TNFAIP6: variants seen among roughly 807,000 people sequenced by gnomAD.
TNFAIP6 encodes the protein TNF alpha induced protein 6, also known as tumor necrosis factor-inducible gene 6 protein.
A neutral mutation model predicts 33.7 loss-of-function variants in TNFAIP6; 36 were observed. The observed-to-expected ratio is 1.07, with a 90% CI of 0.82 to 1.41. TNFAIP6 has a LOEUF of 1.41. Among genes scored for constraint, TNFAIP6 ranks in the 40% most tolerant of loss-of-function variants. The pLI is 0.00. For missense variants in TNFAIP6, 273 were observed against 331.9 expected (o/e 0.82, Z 1.38); for synonymous variants, 113 against 112.8 (o/e 1.00, Z -0.01).
At position 151,357,630 on chromosome 2, in the gene TNFAIP6, G is replaced by T. The variant is rs1208384643; in HGVS notation, c.-37G>T. Reference sequence around the variant, plus strand: ...CCACTGCTCTGAGAATTTGTGAGCAGCCCCTAACAGGCTGTTACTTCACTA... The same window carrying T: ...CCACTGCTCTGAGAATTTGTGAGCATCCCCTAACAGGCTGTTACTTCACTA... On this transcript the variant is annotated 5_prime_UTR_variant, in exon 1 of 6. Coordinates refer to ENST00000243347, the MANE Select transcript of TNFAIP6 (RefSeq NM_007115.4). The T allele has an allele frequency of 1.5e-6, 2 of 1,296,300 alleles. No homozygotes were observed. Among genetic ancestry groups the T allele is most frequent in the East Asian group, 2.3e-5 (1 of 43,290 alleles). 80.3% of individuals were successfully genotyped at this position (1,296,300 alleles called of 1,614,324 possible).
chr2:151,377,153 A>ATTTTCTTTTCTTTTC (rs746527797), intron 5 of TNFAIP6, among the ~76,000 whole-genome samples: 1 of 141,034 alleles, frequency 7.1e-6, no homozygotes, highest in South Asian at 2.3e-4. Context: ...CCCAATTTAC[A>ATTTTCTTTTCTTTTC]TTTTCTTTTC....
chr2:151,361,399 A>T (rs1390866913), intron 1 of TNFAIP6, among the ~76,000 whole-genome samples: 1 of 152,182 alleles, frequency 6.6e-6, no homozygotes, highest in African/African-American at 2.4e-5. Flanking sequence ...TTTTTTCCGT[A>T]TACATCACAT....
At chr2:151,378,205 C>CA (rs1365684526) in intron 5 of TNFAIP6, among the ~76,000 whole-genome samples, 6 of 151,920 alleles carry the variant, frequency 3.9e-5, no homozygotes, top group Admixed American at 6.6e-5. Flanking sequence ...CAAAAACAAA[C>CA]AAAAAGAAGG....
At chr2:151,377,572 C>A (rs543169739) in intron 5 of TNFAIP6, among the ~76,000 whole-genome samples, 2 of 151,986 alleles carry the variant, frequency 1.3e-5, no homozygotes, top group East Asian at 1.9e-4. Flanking sequence ...TCTCTGAATT[C>A]TCTCACAATA....
chr2:151,379,214 A>C lies in TNFAIP6; in HGVS notation c.665-150A>C, dbSNP rs528258718. 1.2e-5 allele frequency: 8 copies of C among 687,984 alleles called. No individual in the cohort carries two copies. The East Asian group carries it at 2.1e-4, about 18-fold the overall frequency. The allele number at this position is 687,984 out of a possible 1,614,324, so 42.6% of individuals were successfully genotyped here. A position where few individuals can be genotyped will look rare whatever the true frequency, so the allele number is the denominator to read the frequency against. ...CTGTTCCATGCGGCAATGAAACCAC[A>C]GACTCTTCAGCTTGAGAATCGACCT... is the stretch of plus-strand genomic sequence containing the variant. On this transcript the variant is annotated intron_variant, in intron 5 of 5. Transcript: ENST00000243347.
chr2:151,359,190 C>T (rs116642034), intron 1 of TNFAIP6, among the ~76,000 whole-genome samples: 2,863 of 152,160 alleles, frequency 0.019, 94 homozygotes, highest in African/African-American at 0.065. Flanking sequence ...TTTGACCAGC[C>T]AGCCTAGCAC....
chr2:151,379,300 T>G, intron 5 of TNFAIP6, 64 bp from the exon 6 acceptor site: 1 of 1,440,194 alleles, frequency 6.9e-7, no homozygotes. Flanking sequence ...GAAGAGTCTT[T>G]GAATTGTCAG....
intron 4 of TNFAIP6, among the ~76,000 whole-genome samples, chr2:151,371,561 T>G (rs1228961944): frequency 6.6e-6 from 1 of 152,120 alleles, no homozygotes; most frequent in East Asian, 1.9e-4. Context: ...AAATATTTTT[T>G]GTTTTGTTTT....
Position 151,370,128 on chromosome 2 carries a change from A to AGT in TNFAIP6, c.504_505dup (p.Tyr169CysfsTer8), listed in dbSNP as rs1684789504. 6.2e-7 allele frequency: 1 copy of AGT among 1,614,004 alleles called. No homozygotes were observed. Among genetic ancestry groups the AGT allele is most frequent in the African/African-American group, 1.3e-5 (1 of 74,922 alleles). Reference sequence around the variant, plus strand: ...ATCTGCTACTGGCACATTAGACTCAAGTATGGTCAGCGTATTCACCTGAGT... The same window carrying AGT: ...ATCTGCTACTGGCACATTAGACTCAAGTGTATGGTCAGCGTATTCACCTGAGT... On this transcript the variant is annotated frameshift_variant, in exon 4 of 6. Coordinates refer to ENST00000243347, the MANE Select transcript of TNFAIP6 (RefSeq NM_007115.4). LOFTEE classifies it high-confidence loss of function.
intron 4 of TNFAIP6, among the ~76,000 whole-genome samples, chr2:151,370,771 C>T (rs1684803612): frequency 6.6e-6 from 1 of 152,108 alleles, no homozygotes; most frequent in Non-Finnish European, 1.5e-5. Flanking sequence ...TTCTTACAAC[C>T]TTAAAAATGA....
chr2:151,362,736 C>T (rs1460692229), intron 1 of TNFAIP6, among the ~76,000 whole-genome samples: 2 of 151,974 alleles, frequency 1.3e-5, no homozygotes, highest in African/African-American at 2.4e-5. Context: ...GTGATCCGCC[C>T]GCCTCGGCCT....
intron 4 of TNFAIP6, among the ~76,000 whole-genome samples, chr2:151,371,593 CTT>C (rs201397265): frequency 3.4e-5 from 5 of 145,974 alleles, no homozygotes; most frequent in Non-Finnish European, 6.1e-5. Context: ...ATCTTTTTTT[CTT>C]TTTTTTTTTC....
chr2:151,373,531 C>A lies in TNFAIP6; in HGVS notation c.624-18C>A. ...TATTCATTTGTGTGACATCTCTTTT[C>A]TAAAAATTCCTTTTCAGATACTGTG... On this transcript the variant is annotated intron_variant, in intron 4 of 5. Coordinates refer to ENST00000243347, the MANE Select transcript of TNFAIP6 (RefSeq NM_007115.4). The A allele has an allele frequency of 6.6e-7, 1 of 1,516,548 alleles. No homozygotes were observed. The allele number at this position is 1,516,548 out of a possible 1,614,324, so 93.9% of individuals were successfully genotyped here.
chr2:151,377,644 T>A (rs1433780849), intron 5 of TNFAIP6, among the ~76,000 whole-genome samples: 1 of 152,210 alleles, frequency 6.6e-6, no homozygotes, highest in African/African-American at 2.4e-5. Flanking sequence ...TTTGAACACA[T>A]TTTTAAATGT....
chr2:151,376,881 T>TG, intron 5 of TNFAIP6, among the ~76,000 whole-genome samples: 1 of 148,448 alleles, frequency 6.7e-6, no homozygotes, highest in Admixed American at 6.7e-5. Flanking sequence ...TTTTTTTTTT[T>TG]TTTTGTTTTT....
chr2:151,372,566 C>T (rs1684835521), intron 4 of TNFAIP6, among the ~76,000 whole-genome samples: 2 of 152,138 alleles, frequency 1.3e-5, no homozygotes, highest in African/African-American at 4.8e-5. Flanking sequence ...ATATTAATAT[C>T]ACCAAGCATA....
chr2:151,371,164 A>C (rs1426268143), intron 4 of TNFAIP6, among the ~76,000 whole-genome samples: 1 of 152,192 alleles, frequency 6.6e-6, no homozygotes, highest in Non-Finnish European at 1.5e-5. Context: ...GTAAATAAGC[A>C]AAGTTTAACC....
At chr2:151,378,943 C>CA (rs528921973) in intron 5 of TNFAIP6, among the ~76,000 whole-genome samples, 6 of 151,704 alleles carry the variant, frequency 4.0e-5, no homozygotes, top group African/African-American at 1.2e-4. Flanking sequence ...AGTAAAAATA[C>CA]AAAAAAATCT....
Position 151,370,181 on chromosome 2 carries a change from C to A in TNFAIP6, c.556C>A (p.Pro186Thr). The A allele has an allele frequency of 6.2e-7, 1 of 1,614,014 alleles. No individual in the cohort carries two copies. The highest frequency in any genetic ancestry group is 1.3e-5 in the African/African-American group (1 of 74,996). ...TTTAGATTTTGACCTTGAAGATGAC[C>A]CAGGTTGCTTGGCTGATTATGTTGA... ...SFLDFDLEDD[P>T]GCLADYVEIY... Residue 186 changes from proline to threonine, a missense_variant, in exon 4 of 6, where the codon CCA becomes ACA. Coordinates refer to ENST00000243347, the MANE Select transcript of TNFAIP6 (RefSeq NM_007115.4).
Sources: allele counts gnomAD v4.1 joint callset (sites outside exome capture counted in the v4.1 genomes callset), GRCh38; gene constraint gnomAD v4.1.1; transcripts MANE v1.5; gene names NCBI Gene and HGNC (gene_info 2026-07-23, HGNC 2026-07-21).